The following TRAPPC9 variants were observed in gnomAD, a reference collection of about 807,000 sequenced individuals.
TRAPPC9 encodes IKK2 binding protein.
In TRAPPC9, 83 loss-of-function variants were observed where a neutral mutation model predicts 124.0. The ratio of observed to expected loss-of-function variants is 0.67; its 90% confidence interval spans 0.56 to 0.80. The LOEUF (loss-of-function observed/expected upper bound fraction) is 0.80. Among genes scored for constraint, TRAPPC9 ranks in the 30% least tolerant of loss-of-function variants. The pLI is 0.00. For synonymous variants in TRAPPC9, 638 were observed against 617.5 expected, an observed-to-expected ratio of 1.03 and a Z score of -0.49; for missense variants, 1,302 against 1,508.3, an observed-to-expected ratio of 0.86 and a Z score of 2.27.
At chr8:139,840,935 T>G (rs1433200560) in intron 21 of TRAPPC9, among the ~76,000 whole-genome samples, 1 of 152,158 alleles carries the variant, frequency 6.6e-6, no homozygotes, top group Non-Finnish European at 1.5e-5. Context: ...TAGGATCTGA[T>G]GCCTCGGGTC....
chr8:140,403,618 T>A (rs1588290792), intron 6 of TRAPPC9, among the ~76,000 whole-genome samples: 2 of 152,150 alleles, frequency 1.3e-5, no homozygotes, highest in Admixed American at 1.3e-4. Context: ...ATAACCTTTT[T>A]GGAGGACAAT....
At chr8:139,888,595 C>A (rs767889955) in intron 20 of TRAPPC9, among the ~76,000 whole-genome samples, 2 of 152,140 alleles carry the variant, frequency 1.3e-5, no homozygotes, top group Non-Finnish European at 2.9e-5. Flanking sequence ...TCTGTTGCCT[C>A]GAACTCCCTT....
chr8:139,940,779 T>C (rs1463396542), intron 19 of TRAPPC9, among the ~76,000 whole-genome samples: 1 of 152,150 alleles, frequency 6.6e-6, no homozygotes, highest in Admixed American at 6.5e-5. Context: ...TACAGAGCTT[T>C]GGAAATTAGG....
intron 21 of TRAPPC9, among the ~76,000 whole-genome samples, chr8:139,811,172 A>C (rs1824422091): frequency 6.6e-6 from 1 of 152,220 alleles, no homozygotes; most frequent in Non-Finnish European, 1.5e-5. Flanking sequence ...ATAAAAAGGA[A>C]CTGAGAACAA....
intron 17 of TRAPPC9, chr8:140,100,335 T>A (rs2060554321): frequency 6.6e-6 from 1 of 152,300 alleles, no homozygotes; most frequent in Admixed American, 6.5e-5. Context: ...TCCGCAGCCG[T>A]CAGCAGGGTA....
chr8:140,287,400 GT>G (rs2065518564), intron 13 of TRAPPC9, among the ~76,000 whole-genome samples: 3 of 152,102 alleles, frequency 2.0e-5, no homozygotes, highest in Admixed American at 2.0e-4. Context: ...GGGCAGTGGG[GT>G]CAGAGCACAG....
chr8:139,904,889 C>T (rs1456504228), intron 20 of TRAPPC9: 1 of 152,226 alleles, frequency 6.6e-6, no homozygotes, highest in African/African-American at 2.4e-5. Flanking sequence ...CTCCAGTCCT[C>T]AACAATGTGG....
At chr8:140,400,099 T>C in intron 6 of TRAPPC9, among the ~76,000 whole-genome samples, 1 of 152,220 alleles carries the variant, frequency 6.6e-6, no homozygotes, top group Non-Finnish European at 1.5e-5. Context: ...TCCACCATGA[T>C]TGTGAGGCTT....
At chr8:140,093,091 A>C (rs1844681364) in intron 17 of TRAPPC9, among the ~76,000 whole-genome samples, 1 of 151,984 alleles carries the variant, frequency 6.6e-6, no homozygotes, top group Non-Finnish European at 1.5e-5. Context: ...GCCTACACAT[A>C]AACCATCCCC....
chr8:139,881,304 T>C (rs1829661315), intron 21 of TRAPPC9: 2 of 152,240 alleles, frequency 1.3e-5, no homozygotes, highest in Admixed American at 6.5e-5. Context: ...ACTAGTCTTT[T>C]TAGGGAATCC....
intron 17 of TRAPPC9, among the ~76,000 whole-genome samples, chr8:140,121,894 G>C (rs2060992839): frequency 6.6e-6 from 1 of 152,162 alleles, no homozygotes; most frequent in South Asian, 2.1e-4. Flanking sequence ...CTCTCCCCTT[G>C]AGGGTGTGGG....
rs369234117 is a variant in TRAPPC9, at chr8:140,080,266, ACTTT to A, written c.2557-56191_2557-56188del. ...TGGAAATTGAGAACCACATGAGTAA[ACTTT>A]CTTTCACTTGTGATGCACAACAGCT... On this transcript the variant is annotated intron_variant, in intron 17 of 22. Coordinates refer to ENST00000438773, the MANE Select transcript of TRAPPC9 (RefSeq NM_001160372.4). Among the ~76,000 whole-genome samples the A allele has an allele frequency of 3.5e-3, 537 of 152,322 alleles. 4 individuals carry two copies. The highest frequency in any genetic ancestry group is 0.012 in the African/African-American group (517 of 41,572).
chr8:140,113,783 T>C (rs11166952), intron 17 of TRAPPC9, among the ~76,000 whole-genome samples: 31,808 of 152,056 alleles, frequency 0.21, 6,201 homozygotes, highest in African/African-American at 0.52. Context: ...ACCGAATTCT[T>C]CACTGCCAAC....
At chr8:139,920,300 C>T (rs1485939759) in intron 19 of TRAPPC9, among the ~76,000 whole-genome samples, 1 of 152,188 alleles carries the variant, frequency 6.6e-6, no homozygotes, top group Non-Finnish European at 1.5e-5. Flanking sequence ...GAGCCGAGAT[C>T]GTGCCACTGC....
intron 21 of TRAPPC9, among the ~76,000 whole-genome samples, chr8:139,775,671 C>T (rs1386819990): frequency 2.6e-5 from 4 of 152,178 alleles, no homozygotes; most frequent in African/African-American, 9.7e-5. Flanking sequence ...AGCCCAGAGC[C>T]CAGGCTGTGA....
intron 21 of TRAPPC9, among the ~76,000 whole-genome samples, chr8:139,853,021 G>GT (rs1827585688): frequency 6.6e-6 from 1 of 152,194 alleles, no homozygotes; most frequent in South Asian, 2.1e-4. Flanking sequence ...AAGGTTCTTT[G>GT]TATCTTCTTT....
intron 5 of TRAPPC9, among the ~76,000 whole-genome samples, chr8:140,415,291 C>A (rs2069879353): frequency 6.6e-6 from 1 of 151,986 alleles, no homozygotes; most frequent in African/African-American, 2.4e-5. Flanking sequence ...CAGTGGCTCA[C>A]ACCTATAATC....
At chr8:140,311,971 G>A (rs1473847850) in intron 9 of TRAPPC9, among the ~76,000 whole-genome samples, 1 of 152,118 alleles carries the variant, frequency 6.6e-6, no homozygotes, top group East Asian at 1.9e-4. Context: ...GACAGGCCAC[G>A]GACACAGACC....
intron 17 of TRAPPC9, chr8:140,081,923 ACT>A: frequency 6.6e-6 from 1 of 152,446 alleles, no homozygotes; most frequent in East Asian, 1.9e-4. Context: ...ACTAGCACTC[ACT>A]GCAGTTTCTA....
Sources: allele counts gnomAD v4.1 joint callset (sites outside exome capture counted in the v4.1 genomes callset), GRCh38; gene constraint gnomAD v4.1.1; transcripts MANE v1.5; gene names NCBI Gene and HGNC (gene_info 2026-07-23, HGNC 2026-07-21).